The following FAM13A variants were observed in gnomAD, a reference collection of about 807,000 sequenced individuals.
FAM13A encodes family with sequence similarity 13 member A.
FAM13A carries 76 observed loss-of-function variants against 129.6 expected under a neutral mutation model. That is an observed-to-expected ratio of 0.59 (90% CI 0.49 to 0.71). FAM13A has a LOEUF of 0.71. Among genes scored for constraint, FAM13A ranks in the 30% least tolerant of loss-of-function variants. The probability of loss-of-function intolerance (pLI) is 0.00; values close to 1 mark genes in which losing one functional copy is unlikely to be tolerated. For synonymous variants in FAM13A, 443 were observed against 449.9 expected (o/e 0.98, Z 0.20); for missense variants, 1,108 against 1,249.3 (o/e 0.89, Z 1.70).
chr4:88,993,246 T>A (rs114849625), intron 3 of FAM13A, among the ~76,000 whole-genome samples: 2 of 152,220 alleles, frequency 1.3e-5, no homozygotes, highest in Non-Finnish European at 2.9e-5. Flanking sequence ...TAATTGGAGA[T>A]ACCCATTTCT....
chr4:88,875,900 A>G (rs1742342891), intron 6 of FAM13A, among the ~76,000 whole-genome samples: 1 of 152,244 alleles, frequency 6.6e-6, no homozygotes, highest in African/African-American at 2.4e-5. Context: ...CCAAATGTCC[A>G]ACAATGATAG....
intron 1 of FAM13A, among the ~76,000 whole-genome samples, chr4:89,039,761 C>T (rs945263230): frequency 6.6e-6 from 1 of 151,914 alleles, no homozygotes; most frequent in African/African-American, 2.4e-5. Flanking sequence ...CCAGCCTGGG[C>T]AACAAAGTGA....
chr4:88,764,461 G>T (rs904588979), intron 13 of FAM13A, among the ~76,000 whole-genome samples: 2 of 152,152 alleles, frequency 1.3e-5, no homozygotes, highest in African/African-American at 4.8e-5. Context: ...TTATAGAGAA[G>T]TATAAAATAT....
At chr4:89,020,364 A>T (rs1579804745) in intron 3 of FAM13A, 96 bp downstream of exon 3, 1 of 808,400 alleles carries the variant, frequency 1.2e-6, no homozygotes, top group Non-Finnish European at 1.9e-6. Flanking sequence ...CAATCTTTCT[A>T]CCTCAGCCTC....
At chr4:88,767,812 G>A (rs1387515781) in intron 12 of FAM13A, among the ~76,000 whole-genome samples, 171 bp downstream of exon 12, 1 of 152,092 alleles carries the variant, frequency 6.6e-6, no homozygotes, top group Non-Finnish European at 1.5e-5. Context: ...GCCTTCAATA[G>A]CACTGTGATA....
chr4:88,938,003 T>A, intron 5 of FAM13A, 85 bp downstream of exon 5: 1 of 978,976 alleles, frequency 1.0e-6, no homozygotes. Flanking sequence ...GTTATATCCA[T>A]ATGGAATTTT....
intron 6 of FAM13A, among the ~76,000 whole-genome samples, chr4:88,905,891 C>T (rs144447279): frequency 3.9e-5 from 6 of 152,234 alleles, no homozygotes; most frequent in Admixed American, 6.5e-5. Context: ...CAGATCCTCC[C>T]GCAACACTCC....
chr4:88,908,087 T>G (rs1451790194), intron 5 of FAM13A, among the ~76,000 whole-genome samples: 1 of 152,236 alleles, frequency 6.6e-6, no homozygotes, highest in African/African-American at 2.4e-5. Context: ...CTCAGCTGCC[T>G]GTGGCCTCAC....
intron 6 of FAM13A, among the ~76,000 whole-genome samples, chr4:88,896,407 A>T (rs1252427858): frequency 1.3e-5 from 2 of 152,100 alleles, no homozygotes; most frequent in East Asian, 1.9e-4. Context: ...GTACCCTAAA[A>T]CTTAAAGTAT....
At chr4:88,768,278 C>T (rs1050769660) in intron 11 of FAM13A, 7 of 372,656 alleles carry the variant, frequency 1.9e-5, no homozygotes, top group Admixed American at 8.1e-5. Flanking sequence ...TTTTAACAAA[C>T]ATATGTGACA....
At chr4:88,883,591 ACACCT>A (rs1346345061) in intron 6 of FAM13A, among the ~76,000 whole-genome samples, 3 of 152,104 alleles carry the variant, frequency 2.0e-5, no homozygotes, top group Non-Finnish European at 4.4e-5. Flanking sequence ...ATCTAAGGTC[ACACCT>A]CAAGGAACTG....
At chr4:88,962,375 GGA>G (rs1190982089) in intron 4 of FAM13A, among the ~76,000 whole-genome samples, 1 of 152,170 alleles carries the variant, frequency 6.6e-6, no homozygotes, top group Non-Finnish European at 1.5e-5. Flanking sequence ...ATTTACTAAA[GGA>G]GAGTCAACCA....
chr4:88,790,629 T>C lies in FAM13A; in HGVS notation c.1050-2A>G, dbSNP rs758453863. 6.2e-7 allele frequency: 1 copy of C among 1,609,566 alleles called. No individual in the cohort carries two copies. Among genetic ancestry groups the C allele is most frequent in the Non-Finnish European group, 8.5e-7 (1 of 1,177,534 alleles). ...TTGCTGACTTGGGGTACATGAGCAC[T>C]GCAGAAAAGAAGCAAAGAGAAAGTC... On this transcript the variant is annotated splice_acceptor_variant, in intron 8 of 23. Coordinates refer to ENST00000264344, the MANE Select transcript of FAM13A (RefSeq NM_014883.4). LOFTEE classifies it high-confidence loss of function.
chr4:88,759,198 G>T (rs1469380927), intron 13 of FAM13A: 2 of 291,980 alleles, frequency 6.8e-6, no homozygotes, highest in Non-Finnish European at 1.3e-5. Flanking sequence ...AAAGGAGTTT[G>T]GTGTTTTCTT....
intron 3 of FAM13A, among the ~76,000 whole-genome samples, chr4:88,996,731 T>C (rs973208893): frequency 2.6e-5 from 4 of 151,934 alleles, no homozygotes; most frequent in African/African-American, 9.7e-5. Context: ...CCTTGAAATG[T>C]AGTTGATGTC....
intron 5 of FAM13A, among the ~76,000 whole-genome samples, chr4:88,923,656 C>T (rs893256375): frequency 1.3e-5 from 2 of 152,104 alleles, no homozygotes; most frequent in African/African-American, 4.8e-5. Context: ...ACAGGGATGC[C>T]CTCTCTCACC....
chr4:88,786,514 A>G (rs1723992498), intron 10 of FAM13A, among the ~76,000 whole-genome samples: 1 of 152,244 alleles, frequency 6.6e-6, no homozygotes, highest in Non-Finnish European at 1.5e-5. Flanking sequence ...ATCTCATGTC[A>G]TGCCACAGGA....
At chr4:88,863,086 T>G (rs1447615562) in intron 6 of FAM13A, among the ~76,000 whole-genome samples, 1 of 152,030 alleles carries the variant, frequency 6.6e-6, no homozygotes, top group Non-Finnish European at 1.5e-5. Context: ...GATGAGTGCC[T>G]TTTTGCATAT....
intron 19 of FAM13A, among the ~76,000 whole-genome samples, chr4:88,740,194 G>C (rs1210777519): frequency 6.6e-6 from 1 of 152,146 alleles, no homozygotes; most frequent in African/African-American, 2.4e-5. Context: ...CCACTTCTCT[G>C]TGCAGCCTTC....
Sources: gnomAD v4.1 joint callset for allele counts (sites outside exome capture counted in the v4.1 genomes callset) on GRCh38, gnomAD v4.1.1 for gene constraint, MANE v1.5 for transcripts, NCBI Gene and HGNC (gene_info 2026-07-23, HGNC 2026-07-21) for gene names.